Variants in PRKN observed in about 807,000 individuals in gnomAD.
PRKN encodes the protein parkin RBR E3 ubiquitin protein ligase.
PRKN carries 56 observed loss-of-function variants against 59.5 expected under a neutral mutation model. That is an observed-to-expected ratio of 0.94 (90% CI 0.76 to 1.18). The LOEUF (loss-of-function observed/expected upper bound fraction) is 1.18. Ranked by LOEUF, PRKN falls within the 50% of genes most tolerant of loss-of-function variation. The probability of loss-of-function intolerance (pLI) is 0.00; values close to 1 mark genes in which losing one functional copy is unlikely to be tolerated. For missense variants in PRKN, 657 were observed against 596.4 expected (o/e 1.10, Z -1.06); for synonymous variants, 250 against 222.1 (o/e 1.13, Z -1.12).
intron 7 of PRKN, among the ~76,000 whole-genome samples, chr6:161,698,493 A>G (rs1186632272): frequency 6.6e-6 from 1 of 152,174 alleles, no homozygotes; most frequent in East Asian, 1.9e-4. Context: ...GTGGAAGGGC[A>G]AATGACTTAG....
intron 2 of PRKN, among the ~76,000 whole-genome samples, chr6:162,293,933 C>CT (rs1781548891): frequency 6.6e-6 from 1 of 152,140 alleles, no homozygotes; most frequent in Non-Finnish European, 1.5e-5. Context: ...CCGCCTCGGC[C>CT]TCCGAAAGTG....
chr6:162,025,140 C>T (rs1391136717), intron 5 of PRKN, among the ~76,000 whole-genome samples: 3 of 151,390 alleles, frequency 2.0e-5, no homozygotes, highest in Non-Finnish European at 2.9e-5. Context: ...CTCAGCCTCC[C>T]GAGTAGCTGG....
At chr6:162,439,583 C>G (rs190832861) in intron 2 of PRKN, among the ~76,000 whole-genome samples, 17 of 152,050 alleles carry the variant, frequency 1.1e-4, no homozygotes, top group African/African-American at 2.4e-4. Context: ...GCTTGTACAG[C>G]GGACCCTTGA....
intron 1 of PRKN, among the ~76,000 whole-genome samples, chr6:162,621,401 C>G (rs1782657846): frequency 6.6e-6 from 1 of 152,170 alleles, no homozygotes; most frequent in East Asian, 1.9e-4. Flanking sequence ...TCAGCTCCTC[C>G]CATCACCACA....
chr6:162,020,196 C>T (rs1397954234), intron 5 of PRKN, among the ~76,000 whole-genome samples: 1 of 151,886 alleles, frequency 6.6e-6, no homozygotes, highest in African/African-American at 2.4e-5. Flanking sequence ...GCTTAGAGAG[C>T]TCATTAGGCT....
At position 161,593,551 on chromosome 6, in the gene PRKN, G is replaced by A. The variant is rs1332499238; in HGVS notation, c.872-24135C>T. Among the ~76,000 whole-genome samples, 3 of 152,122 alleles carry A rather than the reference G, an allele frequency of 2.0e-5. No individual in the cohort carries two copies. Among genetic ancestry groups the A allele is most frequent in the Non-Finnish European group, 4.4e-5 (3 of 68,022 alleles). The stretch of plus-strand genomic sequence containing the variant: ...CAGGTGGGAGGTGATGGCACCTGGG[G>A]GCTGGAAGGTGAGGCCAGCAGGTCT... On this transcript the variant is annotated intron_variant, in intron 7 of 11. Coordinates refer to ENST00000366898, the MANE Select transcript of PRKN (RefSeq NM_004562.3). This position sits in a 1 kb window ranked among gnomAD's most constrained non-coding sequence, Gnocchi z 4.8.
At chr6:162,621,948 G>T (rs2128220976) in intron 1 of PRKN, among the ~76,000 whole-genome samples, 1 of 152,186 alleles carries the variant, frequency 6.6e-6, no homozygotes, top group South Asian at 2.1e-4. Flanking sequence ...CCAAGGAGCT[G>T]GGACTACAGG....
intron 1 of PRKN, among the ~76,000 whole-genome samples, chr6:162,570,381 T>G (rs1780271669): frequency 1.3e-5 from 2 of 152,220 alleles, no homozygotes; most frequent in Admixed American, 1.3e-4. Flanking sequence ...CTACAACCAC[T>G]ATGGAGAAGA....
chr6:161,781,852 A>G lies in PRKN; in HGVS notation c.871+3920T>C, dbSNP rs964750072. ...TGTTTAAAATTAAAAAGAAACATACAGCCAACTACATAGAATAACATTTCT... is the reference window on the plus strand; with the variant it reads ...TGTTTAAAATTAAAAAGAAACATACGGCCAACTACATAGAATAACATTTCT... On this transcript the variant is annotated intron_variant, in intron 7 of 11. Coordinates refer to ENST00000366898, the MANE Select transcript of PRKN (RefSeq NM_004562.3). Among the ~76,000 whole-genome samples, 12 of 152,238 alleles carry G rather than the reference A, an allele frequency of 7.9e-5. 1 individual carries two copies. The highest frequency in any genetic ancestry group is 7.8e-4 in the Admixed American group (12 of 15,290).
chr6:161,961,313 G>A (rs1780368146), intron 6 of PRKN, among the ~76,000 whole-genome samples: 1 of 152,184 alleles, frequency 6.6e-6, no homozygotes, highest in South Asian at 2.1e-4. Context: ...TATGCAAGGA[G>A]GAGGTACTTC....
chr6:162,643,410 A>AAAAAG (rs1778042178), intron 1 of PRKN, among the ~76,000 whole-genome samples: 1 of 150,442 alleles, frequency 6.6e-6, no homozygotes, highest in African/African-American at 2.4e-5. Flanking sequence ...AAAAAAAAAA[A>AAAAAG]AAAAAGAAAG....
At position 161,397,543 on chromosome 6, in the gene PRKN, C is replaced by T. The variant is rs972905841; in HGVS notation, c.1084-10666G>A. 2.0e-5 allele frequency among the ~76,000 whole-genome samples: 3 copies of T among 152,202 alleles called. No individual in the cohort carries two copies. The highest frequency in any genetic ancestry group is 4.4e-5 in the Non-Finnish European group (3 of 68,042). ...TTCTCAAAATCTATTCCACCCTTCC[C>T]AACTCCTCTTTTAAGATGCACTTTG... On this transcript the variant is annotated intron_variant, in intron 9 of 11. Transcript: ENST00000366898. This position sits in a 1 kb window ranked among gnomAD's most constrained non-coding sequence, Gnocchi z 4.2.
At chr6:162,573,416 C>T (rs545851135) in intron 1 of PRKN, among the ~76,000 whole-genome samples, 69 of 152,250 alleles carry the variant, frequency 4.5e-4, no homozygotes, top group Admixed American at 1.3e-3. Flanking sequence ...ATATTGGTCC[C>T]CTTCCTGAGG....
intron 2 of PRKN, among the ~76,000 whole-genome samples, chr6:162,359,753 A>T (rs1785056125): frequency 6.6e-6 from 1 of 152,250 alleles, no homozygotes; most frequent in East Asian, 1.9e-4. Flanking sequence ...TGATTATTAT[A>T]TAGAGAATAG....
rs1471132398 is a variant in PRKN, at chr6:161,356,449, G to A, written c.1285+3639C>T. On this transcript the variant is annotated intron_variant, in intron 11 of 11. Transcript: ENST00000366898. The surrounding 1 kb of genome is among the most constrained non-coding windows in gnomAD (Gnocchi z 7.8). The stretch of plus-strand genomic sequence containing the variant: ...CCGGGGGGAAGGGCAGGACTGACAT[G>A]GCCTTTGAGAAGTCTACACGTCTAT... 6.6e-6 allele frequency among the ~76,000 whole-genome samples: 1 copy of A among 152,216 alleles called. No homozygotes were observed. Among genetic ancestry groups the A allele is most frequent in the Non-Finnish European group, 1.5e-5 (1 of 68,040 alleles).
At chr6:162,383,480 C>G (rs928933657) in intron 2 of PRKN, among the ~76,000 whole-genome samples, 1 of 152,228 alleles carries the variant, frequency 6.6e-6, no homozygotes, top group African/African-American at 2.4e-5. Flanking sequence ...TAAGGCTCAA[C>G]AGTGGACTTA....
At chr6:162,522,354 G>A (rs532637663) in intron 1 of PRKN, among the ~76,000 whole-genome samples, 1 of 152,274 alleles carries the variant, frequency 6.6e-6, no homozygotes, top group Admixed American at 6.5e-5. Context: ...GAACTTGTGA[G>A]CTTCAGTGAT....
At chr6:161,634,743 G>T (rs1783451162) in intron 7 of PRKN, among the ~76,000 whole-genome samples, 1 of 152,146 alleles carries the variant, frequency 6.6e-6, no homozygotes, top group East Asian at 1.9e-4. Context: ...TTCATCATAG[G>T]CTGCCCTCCA....
intron 2 of PRKN, among the ~76,000 whole-genome samples, chr6:162,380,509 GTA>G (rs34461270): frequency 0.031 from 1,274 of 41,620 alleles, 30 homozygotes; most frequent in African/African-American, 0.082. Flanking sequence ...ATATATGTGT[GTA>G]TATATATATA....
Sources: allele counts gnomAD v4.1 joint callset (sites outside exome capture counted in the v4.1 genomes callset), GRCh38; gene constraint gnomAD v4.1.1; non-coding constraint Gnocchi (gnomAD v3.1); transcripts MANE v1.5; gene names NCBI Gene and HGNC (gene_info 2026-07-23, HGNC 2026-07-21).